Variants in ANKRD12 observed in about 807,000 individuals in gnomAD.
ANKRD12 encodes ankyrin repeat domain-containing protein 12.
A neutral mutation model predicts 183.4 loss-of-function variants in ANKRD12; 85 were observed. The observed-to-expected ratio is 0.46, with a 90% CI of 0.39 to 0.56. The LOEUF (loss-of-function observed/expected upper bound fraction) is 0.56. Among genes scored for constraint, ANKRD12 ranks in the 20% least tolerant of loss-of-function variants. The pLI is 0.00. For synonymous variants in ANKRD12, 914 were observed against 800.2 expected (o/e 1.14, Z -2.40); for missense variants, 2,405 against 2,357.1 (o/e 1.02, Z -0.42).
intron 6 of ANKRD12, 108 bp downstream of exon 6, chr18:9,211,892 C>A: frequency 1.1e-6 from 1 of 949,244 alleles, no homozygotes; most frequent in Non-Finnish European, 1.5e-6. Flanking sequence ...TGAAAGAGTT[C>A]TAAAAATACT....
At chr18:9,166,519 C>A (rs1463292141) in intron 1 of ANKRD12, among the ~76,000 whole-genome samples, 1 of 152,092 alleles carries the variant, frequency 6.6e-6, no homozygotes, top group Non-Finnish European at 1.5e-5. Context: ...TAAATGTCTT[C>A]TTTTGAGAAG....
chr18:9,191,057 A>C (rs2034423958), intron 2 of ANKRD12, among the ~76,000 whole-genome samples: 1 of 152,234 alleles, frequency 6.6e-6, no homozygotes, highest in African/African-American at 2.4e-5. Flanking sequence ...TGAGATGACA[A>C]AGGCTATCAA....
intron 8 of ANKRD12, among the ~76,000 whole-genome samples, chr18:9,234,692 G>T (rs540085503): frequency 2.1e-4 from 32 of 152,220 alleles, no homozygotes; most frequent in African/African-American, 7.0e-4. Flanking sequence ...CTGGGCTGTC[G>T]TGGTGGTGCC....
At chr18:9,214,073 A>G (rs2144664914) in intron 6 of ANKRD12, among the ~76,000 whole-genome samples, 1 of 152,178 alleles carries the variant, frequency 6.6e-6, no homozygotes, top group East Asian at 1.9e-4. Context: ...GATTTTTTTC[A>G]GTAAATATAT....
intron 2 of ANKRD12, among the ~76,000 whole-genome samples, chr18:9,189,233 G>C (rs2144304688): frequency 6.6e-6 from 1 of 152,252 alleles, no homozygotes; most frequent in South Asian, 2.1e-4. Flanking sequence ...GTTCAATCCA[G>C]ATCAAGGCCC....
At chr18:9,165,264 C>T (rs1350261105) in intron 1 of ANKRD12, among the ~76,000 whole-genome samples, 3 of 152,052 alleles carry the variant, frequency 2.0e-5, no homozygotes, top group African/African-American at 7.2e-5. Flanking sequence ...TTCCACCATC[C>T]CTTTATTTTG....
chr18:9,144,289 G>T (rs1338446252), intron 1 of ANKRD12, among the ~76,000 whole-genome samples: 1 of 151,994 alleles, frequency 6.6e-6, no homozygotes, highest in Non-Finnish European at 1.5e-5. Context: ...ACCTCCTTTT[G>T]CATAATCTTT....
rs113787378 is a variant in ANKRD12 at position 9,162,422 on chromosome 18, T to C, written c.-51-19960T>C. 9.6e-3 allele frequency among the ~76,000 whole-genome samples: 1,466 copies of C among 152,324 alleles called. 34 individuals carry two copies. The highest frequency in any genetic ancestry group is 0.034 in the African/African-American group (1,397 of 41,560). On this transcript the variant is annotated intron_variant, in intron 1 of 12. Transcript: ENST00000262126. ...TGCATAGTATTCTGTGGTGTATGTTTACCACATTTTCTTTATCCAGTCTAT... is the reference window on the plus strand; with the variant it reads ...TGCATAGTATTCTGTGGTGTATGTTCACCACATTTTCTTTATCCAGTCTAT...
Position 9,256,794 on chromosome 18 carries a change from G to A in ANKRD12, c.3527G>A (p.Gly1176Glu). The part of the protein sequence containing the change: ...SVDTKNVMTL[G>E]KSSFVSDNSL... ...GACACCAAAAATGTAATGACTTTAG[G>A]GAAGTCATCTTTTGTTTCAGATAAT... The change falls in exon 9 of 13, where the codon GGG becomes GAG. Residue 1176 changes from glycine (G) to glutamate (E), a missense_variant. Coordinates refer to ENST00000262126, the MANE Select transcript of ANKRD12 (RefSeq NM_015208.5). 1.9e-6 allele frequency: 3 copies of A among 1,613,844 alleles called. No individual in the cohort carries two copies. Among genetic ancestry groups the A allele is most frequent in the African/African-American group, 1.3e-5 (1 of 74,976 alleles).
At position 9,283,449 on chromosome 18, in the gene ANKRD12, G is replaced by A. The variant is rs2145531846; in HGVS notation, c.*2323G>A. 1 of 152,334 alleles carries A rather than the reference G, an allele frequency of 6.6e-6. No individual in the cohort carries two copies. Among genetic ancestry groups the A allele is most frequent in the South Asian group, 2.1e-4 (1 of 4,832 alleles). 9.4% of individuals were successfully genotyped at this position (152,334 alleles called of 1,614,324 possible). A position where few individuals can be genotyped will look rare whatever the true frequency, so the allele number is the denominator to read the frequency against. ...AAGCTAATGATAGCTTAAAAGAAAAGTTAATGCCTTCTCATTGGAAATGTA... is the reference window on the plus strand; with the variant it reads ...AAGCTAATGATAGCTTAAAAGAAAAATTAATGCCTTCTCATTGGAAATGTA... On this transcript the variant is annotated 3_prime_UTR_variant, in exon 13 of 13. Transcript: ENST00000262126.
At chr18:9,280,558 G>A (rs936188712) in intron 12 of ANKRD12, among the ~76,000 whole-genome samples, 4 of 152,174 alleles carry the variant, frequency 2.6e-5, no homozygotes, top group East Asian at 3.9e-4. Flanking sequence ...GAAGGCCTAC[G>A]TGAGCAGATC....
At chr18:9,162,582 G>T (rs1363315773) in intron 1 of ANKRD12, among the ~76,000 whole-genome samples, 1 of 151,990 alleles carries the variant, frequency 6.6e-6, no homozygotes, top group East Asian at 1.9e-4. Context: ...GAGATGGCTG[G>T]GTCAAATGGT....
chr18:9,252,153 A>G (rs1193285013), intron 8 of ANKRD12, among the ~76,000 whole-genome samples: 2 of 152,250 alleles, frequency 1.3e-5, no homozygotes, highest in African/African-American at 2.4e-5. Flanking sequence ...GAAAGGCAGA[A>G]CAAACATTTT....
chr18:9,248,109 T>C (rs1033575503), intron 8 of ANKRD12, among the ~76,000 whole-genome samples: 2 of 152,192 alleles, frequency 1.3e-5, no homozygotes. Flanking sequence ...TTAAAGCACA[T>C]TTTTTCAAGT....
chr18:9,183,847 G>C (rs2144208960), intron 2 of ANKRD12, among the ~76,000 whole-genome samples: 1 of 151,988 alleles, frequency 6.6e-6, no homozygotes, highest in South Asian at 2.1e-4. Context: ...GTGCAGTTTT[G>C]CTCTTTATTG....
At chr18:9,204,795 A>G (rs1349427218) in intron 4 of ANKRD12, among the ~76,000 whole-genome samples, 1 of 152,174 alleles carries the variant, frequency 6.6e-6, no homozygotes, top group East Asian at 1.9e-4. Flanking sequence ...TTTACAGCAC[A>G]ATGTGGGGAA....
chr18:9,186,395 G>T (rs543631405), intron 2 of ANKRD12, among the ~76,000 whole-genome samples: 1 of 152,128 alleles, frequency 6.6e-6, no homozygotes, highest in Non-Finnish European at 1.5e-5. Flanking sequence ...TTACATAAAG[G>T]GATGTATTTA....
chr18:9,147,251 CTTTCA>C (rs2078522877), intron 1 of ANKRD12, among the ~76,000 whole-genome samples: 1 of 151,948 alleles, frequency 6.6e-6, no homozygotes, highest in South Asian at 2.1e-4. Context: ...GTTAAAAATC[CTTTCA>C]TTTAAGGCTA....
chr18:9,151,460 T>G (rs1460477277), intron 1 of ANKRD12, among the ~76,000 whole-genome samples: 1 of 152,154 alleles, frequency 6.6e-6, no homozygotes, highest in Admixed American at 6.6e-5. Flanking sequence ...GTCATCTAAT[T>G]TAATTTTACT....
Sources: allele counts gnomAD v4.1 joint callset (sites outside exome capture counted in the v4.1 genomes callset), GRCh38; gene constraint gnomAD v4.1.1; transcripts MANE v1.5; gene names NCBI Gene and HGNC (gene_info 2026-07-23, HGNC 2026-07-21).